Variants in KCNH7 observed in about 807,000 individuals in gnomAD.
KCNH7 encodes the protein potassium voltage-gated channel subfamily H member 7.
A neutral mutation model predicts 120.8 loss-of-function variants in KCNH7; 49 were observed. That is an observed-to-expected ratio of 0.41 (90% CI 0.32 to 0.51). The LOEUF (loss-of-function observed/expected upper bound fraction) is 0.51, where lower values mean the gene tolerates loss of function less well. Ranked by LOEUF, KCNH7 falls within the 20% of genes least tolerant of loss-of-function variation. KCNH7 has a pLI of 0.38. For synonymous variants in KCNH7, 547 were observed against 516.1 expected, an observed-to-expected ratio of 1.06 and a Z score of -0.81; for missense variants, 1,097 against 1,446.6, an observed-to-expected ratio of 0.76 and a Z score of 3.92.
chr2:162,578,230 A>G (rs1386390645), intron 2 of KCNH7, among the ~76,000 whole-genome samples: 1 of 151,756 alleles, frequency 6.6e-6, no homozygotes, highest in African/African-American at 2.4e-5. Context: ...GGGAAATGAA[A>G]GTAACATTTA....
chr2:162,731,271 TATA>T (rs1351224782), intron 2 of KCNH7, among the ~76,000 whole-genome samples: 3 of 148,850 alleles, frequency 2.0e-5, no homozygotes, highest in Non-Finnish European at 4.5e-5. Flanking sequence ...TATAATAATA[TATA>T]ATATTAGTAA....
chr2:162,800,606 CAT>C (rs1330419368), intron 2 of KCNH7, among the ~76,000 whole-genome samples: 1 of 151,886 alleles, frequency 6.6e-6, no homozygotes, highest in African/African-American at 2.4e-5. Flanking sequence ...ATTACCCACT[CAT>C]ATGATGCATG....
In KCNH7 at chr2:162,394,429, T is replaced by G; in HGVS notation, c.2670A>C (p.Leu890=). ...TTTCAAATGACAATTTCCTTCTTCT[T>G]AGTTTACAGTTGTCTCCTTCTGAAT... The part of the protein sequence containing the change: ...MNDSEGDNCK[L]RRRKLSFESE... Residue 890 remains leucine, a synonymous_variant, in exon 12 of 16, where the codon CTA becomes CTC. Coordinates refer to ENST00000332142, the MANE Select transcript of KCNH7 (RefSeq NM_033272.4). The G allele has an allele frequency of 1.2e-6, 2 of 1,606,690 alleles. No individual in the cohort carries two copies. Among genetic ancestry groups the G allele is most frequent in the Non-Finnish European group, 1.7e-6 (2 of 1,174,074 alleles).
chr2:162,745,410 T>G (rs886455708), intron 2 of KCNH7, among the ~76,000 whole-genome samples: 13 of 152,172 alleles, frequency 8.5e-5, no homozygotes, highest in African/African-American at 3.1e-4. Flanking sequence ...GAACCCGTTA[T>G]TTAGAGCAAA....
chr2:162,646,386 T>C (rs948987234), intron 2 of KCNH7, among the ~76,000 whole-genome samples: 2 of 152,228 alleles, frequency 1.3e-5, no homozygotes, highest in East Asian at 3.8e-4. Context: ...TTTCTCTTTC[T>C]ATTCTCCATT....
chr2:162,459,164 A>G (rs2105598822), intron 6 of KCNH7, among the ~76,000 whole-genome samples: 1 of 151,972 alleles, frequency 6.6e-6, no homozygotes, highest in South Asian at 2.1e-4. Flanking sequence ...ACAAGAAGAG[A>G]TAGTATACAT....
chr2:162,654,899 G>A (rs995527437), intron 2 of KCNH7, among the ~76,000 whole-genome samples: 2 of 152,048 alleles, frequency 1.3e-5, no homozygotes, highest in Non-Finnish European at 2.9e-5. Context: ...AGTATTACAT[G>A]GTCTCAATTA....
intron 9 of KCNH7, among the ~76,000 whole-genome samples, chr2:162,406,402 C>T (rs1324125062): frequency 2.0e-5 from 3 of 151,786 alleles, no homozygotes; most frequent in African/African-American, 4.8e-5. Flanking sequence ...GGTAGCATTC[C>T]CAAAGGCAGC....
chr2:162,663,550 G>A (rs1004128949), intron 2 of KCNH7, among the ~76,000 whole-genome samples: 5 of 152,040 alleles, frequency 3.3e-5, no homozygotes, highest in Non-Finnish European at 7.4e-5. Flanking sequence ...CTTTGAGAAA[G>A]CCATCATTAA....
intron 12 of KCNH7, among the ~76,000 whole-genome samples, chr2:162,389,338 A>G (rs1686672911): frequency 6.6e-6 from 1 of 151,990 alleles, no homozygotes; most frequent in Non-Finnish European, 1.5e-5. Context: ...ACACAGGCCA[A>G]TGTCCCTTTT....
chr2:162,641,133 ACT>A (rs1403234251), intron 2 of KCNH7, among the ~76,000 whole-genome samples: 1 of 152,172 alleles, frequency 6.6e-6, no homozygotes, highest in African/African-American at 2.4e-5. Context: ...TTCTATAAAA[ACT>A]CAACGCAGAA....
rs753254627 is a variant in KCNH7, at chr2:162,446,267, G to A, written c.1305C>T (p.Asp435=). The A allele has an allele frequency of 1.2e-6, 2 of 1,613,916 alleles. No individual in the cohort carries two copies. The highest frequency in any genetic ancestry group is 1.7e-6 in the Non-Finnish European group (2 of 1,179,880). Residue 435 remains aspartate (D), a synonymous_variant, in exon 7 of 16, where the codon GAC becomes GAT. Transcript: ENST00000332142. ...TPYSAAFLLN[D]REEQKRRECG... ...ATTCTCGTCTTTTCTGTTCTTCTCT[G>A]TCATTGAGGAGGAAGGCTGCAGAGT... is the stretch of plus-strand genomic sequence containing the variant.
chr2:162,471,840 C>A (rs1366949575), intron 6 of KCNH7, among the ~76,000 whole-genome samples: 1 of 152,214 alleles, frequency 6.6e-6, no homozygotes, highest in Non-Finnish European at 1.5e-5. Flanking sequence ...TCAAACTAAA[C>A]TACAAGGCTA....
chr2:162,591,927 T>C (rs567124711), intron 2 of KCNH7, among the ~76,000 whole-genome samples: 120 of 152,220 alleles, frequency 7.9e-4, no homozygotes, highest in Admixed American at 1.5e-3. Context: ...GCTTGTTATA[T>C]ATGTCCAGTT....
At chr2:162,477,518 T>A (rs2105667843) in intron 6 of KCNH7, among the ~76,000 whole-genome samples, 1 of 152,260 alleles carries the variant, frequency 6.6e-6, no homozygotes. Context: ...ATGAGGGAAG[T>A]TTTATTTATT....
In KCNH7 at chr2:162,576,556, C is replaced by T. The variant is rs546835507; in HGVS notation, c.308-39476G>A. On this transcript the variant is annotated intron_variant, in intron 2 of 15. Coordinates refer to ENST00000332142, the MANE Select transcript of KCNH7 (RefSeq NM_033272.4). ...TTTTTACCTAATCTTAACATTTGCT[C>T]TCATTTAAATCTATTTTTCCTCTAT... Among the ~76,000 whole-genome samples, 7 of 152,092 alleles carry T rather than the reference C, an allele frequency of 4.6e-5. No individual in the cohort carries two copies. The East Asian group carries it at 1.4e-3, about 30-fold the overall frequency.
chr2:162,808,766 T>G (rs1054994557), intron 2 of KCNH7, among the ~76,000 whole-genome samples: 1 of 151,832 alleles, frequency 6.6e-6, no homozygotes, highest in African/African-American at 2.4e-5. Flanking sequence ...AAAAGAATAC[T>G]AATTATATTT....
At chr2:162,569,235 A>G (rs1437170673) in intron 2 of KCNH7, among the ~76,000 whole-genome samples, 1 of 151,854 alleles carries the variant, frequency 6.6e-6, no homozygotes, top group Non-Finnish European at 1.5e-5. Flanking sequence ...CAGAGATTCA[A>G]CTTCTTCCTG....
chr2:162,835,604 T>C (rs1685634315), intron 2 of KCNH7, among the ~76,000 whole-genome samples: 1 of 151,940 alleles, frequency 6.6e-6, no homozygotes, highest in Non-Finnish European at 1.5e-5. Flanking sequence ...ACAAATATCA[T>C]TTTGTATAGA....
Sources: gnomAD v4.1 joint callset for allele counts (sites outside exome capture counted in the v4.1 genomes callset) on GRCh38, gnomAD v4.1.1 for gene constraint, MANE v1.5 for transcripts, NCBI Gene and HGNC (gene_info 2026-07-23, HGNC 2026-07-21) for gene names.